RIC3: variants seen among roughly 807,000 people sequenced by gnomAD.
RIC3 encodes the protein protein RIC-3.
A neutral mutation model predicts 27.3 loss-of-function variants in RIC3; 28 were observed. The observed-to-expected ratio is 1.02, with a 90% CI of 0.76 to 1.41. The LOEUF is 1.41. Among genes scored for constraint, RIC3 ranks in the 40% most tolerant of loss-of-function variants. The pLI is 0.00. For missense variants in RIC3, 501 were observed against 444.7 expected, an observed-to-expected ratio of 1.13 and a Z score of -1.14; for synonymous variants, 184 against 160.4, an observed-to-expected ratio of 1.15 and a Z score of -1.11.
At chr11:8,103,389 A>C (rs1944389612), downstream of RIC3, 1 of 152,186 alleles carries the variant, frequency 6.6e-6, no homozygotes, top group Non-Finnish European at 1.5e-5. Context: ...GCTAAGTAGA[A>C]ATTTTTTAAA....
chr11:8,116,300 T>G (rs1945859031), intron 5 of RIC3, among the ~76,000 whole-genome samples: 1 of 152,152 alleles, frequency 6.6e-6, no homozygotes, highest in Non-Finnish European at 1.5e-5. Context: ...ACTGAAGACT[T>G]AAACATAAGA....
At chr11:8,151,460 C>T (rs1950215292) in intron 1 of RIC3, among the ~76,000 whole-genome samples, 1 of 149,974 alleles carries the variant, frequency 6.7e-6, no homozygotes, top group Middle Eastern at 3.4e-3. Flanking sequence ...GTGGCGCGTG[C>T]CTGTAGTCCC....
At chr11:8,103,049 CG>C (rs1223475091), downstream of RIC3, 1 of 152,222 alleles carries the variant, frequency 6.6e-6, no homozygotes, top group Non-Finnish European at 1.5e-5. Context: ...GCTTTTTGCA[CG>C]TGAGTATGAT....
intron 1 of RIC3, among the ~76,000 whole-genome samples, chr11:8,149,024 C>T (rs999523108): frequency 2.1e-5 from 2 of 96,182 alleles, no homozygotes; most frequent in Admixed American, 2.4e-4. Flanking sequence ...ACTAAAAATA[C>T]AAAAAAAAAA....
downstream of RIC3, among the ~76,000 whole-genome samples, chr11:8,101,265 C>A (rs1256960093): frequency 6.6e-6 from 1 of 152,186 alleles, no homozygotes; most frequent in Non-Finnish European, 1.5e-5. Context: ...TTTTCTGTCC[C>A]CTGGTGTTCA....
intron 1 of RIC3, among the ~76,000 whole-genome samples, chr11:8,166,266 C>T (rs1164991045): frequency 6.6e-6 from 1 of 152,160 alleles, no homozygotes; most frequent in Admixed American, 6.5e-5. Context: ...CGCCTCAAAG[C>T]ATGGAGTTCG....
At chr11:8,167,516 A>C (rs1419777180) in intron 1 of RIC3, among the ~76,000 whole-genome samples, 1 of 152,058 alleles carries the variant, frequency 6.6e-6, no homozygotes, top group Admixed American at 6.6e-5. Flanking sequence ...GAATACCAAC[A>C]CTTGAGTTCT....
At chr11:8,139,432 T>C (rs749824468) in intron 2 of RIC3, 72 of 155,844 alleles carry the variant, frequency 4.6e-4, no homozygotes, top group Non-Finnish European at 7.1e-4. Context: ...TCAGGCTTAA[T>C]TTCAGGAGGG....
At chr11:8,152,726 T>C (rs1315581991) in intron 1 of RIC3, among the ~76,000 whole-genome samples, 1 of 152,182 alleles carries the variant, frequency 6.6e-6, no homozygotes, top group East Asian at 1.9e-4. Context: ...AATAGGTGAA[T>C]TGCATATGTA....
intron 1 of RIC3, among the ~76,000 whole-genome samples, chr11:8,156,321 T>TGTACCATTCAAGG (rs1950649249): frequency 6.6e-6 from 1 of 152,224 alleles, no homozygotes; most frequent in African/African-American, 2.4e-5. Flanking sequence ...CAGTTACTGG[T>TGTACCATTCAAGG]TAAGATTATG....
intron 1 of RIC3, among the ~76,000 whole-genome samples, chr11:8,146,841 T>G (rs892922818): frequency 1.3e-5 from 2 of 152,202 alleles, no homozygotes; most frequent in African/African-American, 4.8e-5. Context: ...AGGAAATGTT[T>G]AGATTAAGAT....
At chr11:8,155,888 T>C (rs1005368883) in intron 1 of RIC3, among the ~76,000 whole-genome samples, 2 of 152,204 alleles carry the variant, frequency 1.3e-5, no homozygotes, top group African/African-American at 4.8e-5. Flanking sequence ...GATTCAGCAT[T>C]ACTTGAAGTA....
intron 1 of RIC3, among the ~76,000 whole-genome samples, chr11:8,147,065 C>T (rs1949759243): frequency 6.6e-6 from 1 of 152,202 alleles, no homozygotes; most frequent in Admixed American, 6.5e-5. Flanking sequence ...ATCTGATTGC[C>T]TCCTTTGGAA....
intron 1 of RIC3, among the ~76,000 whole-genome samples, chr11:8,146,101 A>G (rs1241209657): frequency 2.0e-5 from 3 of 152,240 alleles, no homozygotes; most frequent in Non-Finnish European, 4.4e-5. Context: ...CTATGTAAGA[A>G]TGTTTGCTGT....
downstream of RIC3, chr11:8,101,650 G>T: frequency 1.9e-6 from 3 of 1,611,708 alleles, no homozygotes; most frequent in Non-Finnish European, 2.5e-6. Context: ...GGGTTGCCCA[G>T]CCTGGAGCGG....
At chr11:8,147,322 G>A (rs778175473) in intron 1 of RIC3, among the ~76,000 whole-genome samples, 1 of 152,196 alleles carries the variant, frequency 6.6e-6, no homozygotes, top group Non-Finnish European at 1.5e-5. Flanking sequence ...TGTCATGGGC[G>A]TATGTCCTGA....
chr11:8,166,455 A>G (rs905594167), intron 1 of RIC3, among the ~76,000 whole-genome samples: 2 of 152,152 alleles, frequency 1.3e-5, no homozygotes, highest in Non-Finnish European at 2.9e-5. Flanking sequence ...ATTTTTAAGA[A>G]TTTTCAAATA....
chr11:8,150,005 C>G (rs1172732543), intron 1 of RIC3, among the ~76,000 whole-genome samples: 1 of 152,188 alleles, frequency 6.6e-6, no homozygotes, highest in Non-Finnish European at 1.5e-5. Flanking sequence ...GGGCTGAAAA[C>G]TCCACTCTCT....
chr11:8,095,685 AG>A, the RIC3 span: 2 of 1,569,130 alleles, frequency 1.3e-6, no homozygotes. Context: ...ATGGGGACCC[AG>A]TGATACCCCC....
Sources: allele counts gnomAD v4.1 joint callset (sites outside exome capture counted in the v4.1 genomes callset), GRCh38; gene constraint gnomAD v4.1.1; transcripts MANE v1.5; gene names NCBI Gene and HGNC (gene_info 2026-07-23, HGNC 2026-07-21).